Variants in COL19A1 observed in about 807,000 individuals in gnomAD.
The protein encoded by COL19A1 is collagen type XIX alpha 1 chain, also known as collagen alpha-1(XIX) chain.
Under a neutral mutation model 190.2 loss-of-function variants are expected in COL19A1, and 159 were observed. The observed-to-expected ratio is 0.84, with a 90% CI of 0.73 to 0.95. COL19A1 has a LOEUF of 0.95. Ranked by LOEUF, COL19A1 falls within the 40% of genes least tolerant of loss-of-function variation. COL19A1 has a pLI of 0.00. For missense variants in COL19A1, 1,418 were observed against 1,431.9 expected, an observed-to-expected ratio of 0.99 and a Z score of 0.16; for synonymous variants, 509 against 458.9, an observed-to-expected ratio of 1.11 and a Z score of -1.39.
chr6:70,180,180 C>A, intron 42 of COL19A1, 132 bp from the exon 43 acceptor site: 1 of 963,384 alleles, frequency 1.0e-6, no homozygotes, highest in East Asian at 2.6e-5. Context: ...GCCACCACAC[C>A]TGGCCAGAAA....
intron 48 of COL19A1, among the ~76,000 whole-genome samples, chr6:70,193,277 C>T (rs570763090): frequency 6.6e-6 from 1 of 152,220 alleles, no homozygotes. Flanking sequence ...TCTGTGGCTA[C>T]TCTCATGAAG....
In COL19A1 at chr6:70,199,728, G is replaced by A. The variant is rs1335917329; in HGVS notation, c.3215G>A (p.Gly1072Glu). ...TTGCCTGGGCCACCAGGAGACCCTG[G>A]ACCCCAAGGTAAGTCTTCAAGTGTA... ...DGLPGPPGDP[G>E]PQGYRGQKGE... The change falls in exon 49 of 51, where the codon GGA becomes GAA. Residue 1072 changes from glycine (G) to glutamate (E), a missense_variant. By Grantham distance (98) the Gly-to-Glu change is moderately conservative. Transcript: ENST00000620364. The A allele has an allele frequency of 6.2e-7, 1 of 1,608,066 alleles. No homozygotes were observed. Among genetic ancestry groups the A allele is most frequent in the Non-Finnish European group, 8.5e-7 (1 of 1,176,924 alleles).
chr6:70,121,822 A>T, intron 16 of COL19A1, 58 bp from the exon 17 acceptor site: 1 of 1,074,606 alleles, frequency 9.3e-7, no homozygotes. Flanking sequence ...ATGTTATTTA[A>T]ATATTCATTG....
At chr6:70,179,632 T>G (rs888632246) in intron 42 of COL19A1, among the ~76,000 whole-genome samples, 1 of 152,204 alleles carries the variant, frequency 6.6e-6, no homozygotes, top group South Asian at 2.1e-4. Flanking sequence ...AGAAAAAAAC[T>G]TATTTGATGC....
At chr6:70,105,090 C>A (rs1783869943) in intron 16 of COL19A1, among the ~76,000 whole-genome samples, 1 of 151,980 alleles carries the variant, frequency 6.6e-6, no homozygotes, top group South Asian at 2.1e-4. Context: ...ACACAGTGTT[C>A]ATTAAATCCT....
intron 18 of COL19A1, chr6:70,131,028 G>A (rs892324951): frequency 1.5e-4 from 67 of 459,006 alleles, no homozygotes; most frequent in African/African-American, 8.9e-4. Flanking sequence ...ATAAATTTCC[G>A]TTGCATTCCC....
At chr6:69,914,032 A>G (rs537879154) in intron 4 of COL19A1, among the ~76,000 whole-genome samples, 1 of 152,160 alleles carries the variant, frequency 6.6e-6, no homozygotes, top group African/African-American at 2.4e-5. Context: ...ATTTCTAAAG[A>G]GCAGACTGTC....
At chr6:69,898,075 A>C (rs1561974942) in intron 2 of COL19A1, among the ~76,000 whole-genome samples, 1 of 150,102 alleles carries the variant, frequency 6.7e-6, no homozygotes, top group African/African-American at 2.4e-5. Context: ...TATATTAAAA[A>C]CTTCTTAGTT....
intron 11 of COL19A1, among the ~76,000 whole-genome samples, chr6:69,984,434 A>C (rs1562060082): frequency 6.6e-6 from 1 of 152,134 alleles, no homozygotes; most frequent in Non-Finnish European, 1.5e-5. Context: ...ACTACAAAAG[A>C]TAATGGACTT....
intron 1 of COL19A1, among the ~76,000 whole-genome samples, chr6:69,875,285 G>T (rs1768068879): frequency 6.6e-6 from 1 of 152,194 alleles, no homozygotes; most frequent in Non-Finnish European, 1.5e-5. Context: ...TGGAGATGTG[G>T]TTAGGGGCCT....
Position 70,118,773 on chromosome 6 carries a change from C to A in COL19A1, c.1279-3107C>A, listed in dbSNP as rs554888040. On this transcript the variant is annotated intron_variant, in intron 16 of 50. Coordinates refer to ENST00000620364, the MANE Select transcript of COL19A1 (RefSeq NM_001858.6). ...GGATATTTGAATAATAACGTTCAACCTTTTCTGTAGCCTCATTGCTCTTGG... is the reference window on the plus strand; with the variant it reads ...GGATATTTGAATAATAACGTTCAACATTTTCTGTAGCCTCATTGCTCTTGG... 2.7e-3 allele frequency among the ~76,000 whole-genome samples: 417 copies of A among 152,046 alleles called. 4 individuals carry two copies. Among genetic ancestry groups the A allele is most frequent in the Non-Finnish European group, 3.1e-3 (212 of 67,998 alleles).
chr6:69,936,856 A>G lies in COL19A1; in HGVS notation c.819A>G (p.Ser273=), dbSNP rs1421225583. 6.2e-7 allele frequency: 1 copy of G among 1,613,088 alleles called. No homozygotes were observed. The highest frequency in any genetic ancestry group is 1.3e-5 in the African/African-American group (1 of 74,860). ...CTGCTCATGCCAGTAAAATGTCTTC[A>G]TATCTGCCAGCAAAGCAGGAACTTA... The part of the protein sequence containing the change: ...WVTAHASKMS[S]YLPAKQELKD... Residue 273 remains serine, a synonymous_variant, in exon 8 of 51, where the codon TCA becomes TCG. Transcript: ENST00000620364.
Position 70,151,998 on chromosome 6 carries a change from A to G in COL19A1, c.2079+560A>G, listed in dbSNP as rs139649501. Reference sequence around the variant, plus strand: ...AATCACCTCTACCTATTATCGTCTCAGGGAATTAATCTTGCTACCTCTTTT... The same window carrying G: ...AATCACCTCTACCTATTATCGTCTCGGGGAATTAATCTTGCTACCTCTTTT... On this transcript the variant is annotated intron_variant, in intron 31 of 50. Coordinates refer to ENST00000620364, the MANE Select transcript of COL19A1 (RefSeq NM_001858.6). Among the ~76,000 whole-genome samples the G allele has an allele frequency of 4.1e-3, 584 of 141,632 alleles. 7 individuals carry two copies. Among genetic ancestry groups the G allele is most frequent in the African/African-American group, 0.015 (555 of 36,766 alleles). The allele number at this position is 141,632 out of a possible 152,430, so 92.9% of individuals were successfully genotyped here. A position where few individuals can be genotyped will look rare whatever the true frequency, so the allele number is the denominator to read the frequency against.
intron 16 of COL19A1, among the ~76,000 whole-genome samples, chr6:70,115,551 T>G (rs569611741): frequency 1.2e-4 from 19 of 152,232 alleles, no homozygotes; most frequent in African/African-American, 4.1e-4. Context: ...AAATAAGACT[T>G]TTGTTAGGAC....
At chr6:70,045,200 C>T (rs1562115985) in intron 14 of COL19A1, among the ~76,000 whole-genome samples, 1 of 150,786 alleles carries the variant, frequency 6.6e-6, no homozygotes, top group South Asian at 2.1e-4. Context: ...GTAACCCTAG[C>T]TACTTGGGAG....
At chr6:69,968,700 A>C (rs1775256967) in intron 11 of COL19A1, among the ~76,000 whole-genome samples, 1 of 152,170 alleles carries the variant, frequency 6.6e-6, no homozygotes, top group African/African-American at 2.4e-5. Flanking sequence ...TTCAGTTGTT[A>C]TGGTAATTAC....
chr6:70,051,635 T>A (rs1416512830), intron 14 of COL19A1, among the ~76,000 whole-genome samples: 1 of 152,002 alleles, frequency 6.6e-6, no homozygotes, highest in Non-Finnish European at 1.5e-5. Context: ...GGCATAAACA[T>A]CCTTTAAAAG....
intron 36 of COL19A1, among the ~76,000 whole-genome samples, chr6:70,164,156 AG>A (rs1787986620): frequency 6.6e-6 from 1 of 152,190 alleles, no homozygotes; most frequent in Non-Finnish European, 1.5e-5. Context: ...GAACCAGGAT[AG>A]CTTGTTTCCT....
chr6:69,939,326 T>C (rs1773307385), intron 9 of COL19A1, among the ~76,000 whole-genome samples: 1 of 152,160 alleles, frequency 6.6e-6, no homozygotes, highest in Admixed American at 6.6e-5. Flanking sequence ...ATTTGTTTCA[T>C]GGTTACATGT....
Sources: gnomAD v4.1 joint callset for allele counts (sites outside exome capture counted in the v4.1 genomes callset) on GRCh38, gnomAD v4.1.1 for gene constraint, MANE v1.5 for transcripts, NCBI Gene and HGNC (gene_info 2026-07-23, HGNC 2026-07-21) for gene names.